DGLUCY: variants seen among roughly 807,000 people sequenced by gnomAD.
DGLUCY encodes the protein D-glutamate cyclase, mitochondrial.
Under a neutral mutation model 58.5 loss-of-function variants are expected in DGLUCY, and 58 were observed. The observed-to-expected ratio is 0.99, with a 90% confidence interval of 0.80 to 1.23. DGLUCY has a LOEUF of 1.23. Ranked by LOEUF, DGLUCY falls within the 50% of genes most tolerant of loss-of-function variation. DGLUCY has a pLI of 0.00. For missense variants in DGLUCY, 779 were observed against 784.7 expected, an observed-to-expected ratio of 0.99 and a Z score of 0.09; for synonymous variants, 325 against 314.1, an observed-to-expected ratio of 1.03 and a Z score of -0.37.
chr14:91,156,487 C>A (rs774833883), intron 1 of DGLUCY, among the ~76,000 whole-genome samples: 6 of 152,200 alleles, frequency 3.9e-5, no homozygotes, highest in Non-Finnish European at 7.3e-5. Flanking sequence ...CTGTAGGATA[C>A]AGTCCTAGGA....
Position 91,167,364 on chromosome 14 carries a change from T to C in DGLUCY, c.243T>C (p.Ala81=). Residue 81 remains alanine, a synonymous_variant, in exon 4 of 14, where the codon GCT becomes GCC. Coordinates refer to ENST00000256324, the MANE Select transcript of DGLUCY (RefSeq NM_001102368.3). Reference sequence around the variant, plus strand: ...AGTGGATGCTGCCCCCTCAAGGTGCTATCTCAGAGACCAGGTAAAAAGCTT... The same window carrying C: ...AGTGGATGCTGCCCCCTCAAGGTGCCATCTCAGAGACCAGGTAAAAAGCTT... ...PEKWMLPPQG[A]ISETRMGHPQ... 1 of 1,614,150 alleles carries C rather than the reference T, an allele frequency of 6.2e-7. No individual in the cohort carries two copies.
chr14:91,157,231 G>GAA (rs1566971877), intron 1 of DGLUCY, among the ~76,000 whole-genome samples: 19 of 94,906 alleles, frequency 2.0e-4, no homozygotes, highest in African/African-American at 1.2e-3. Flanking sequence ...GGATGGATGG[G>GAA]TGGATGGATG....
At chr14:91,085,064 T>C (rs1227487656) in intron 1 of DGLUCY, among the ~76,000 whole-genome samples, 3 of 151,784 alleles carry the variant, frequency 2.0e-5, no homozygotes, top group African/African-American at 7.3e-5. Flanking sequence ...TCTACAAAAA[T>C]GTTTGAAATT....
chr14:91,214,597 G>A (rs1886231019), intron 12 of DGLUCY, among the ~76,000 whole-genome samples: 1 of 152,212 alleles, frequency 6.6e-6, no homozygotes, highest in African/African-American at 2.4e-5. Flanking sequence ...GGGTTTCTAC[G>A]GTTATTGCCT....
upstream of DGLUCY, among the ~76,000 whole-genome samples, chr14:91,106,191 C>T (rs570053157): frequency 2.6e-5 from 4 of 151,702 alleles, no homozygotes; most frequent in South Asian, 6.3e-4. Context: ...GCCTGTAATC[C>T]CAGCTGCTGG....
intron 1 of DGLUCY, among the ~76,000 whole-genome samples, chr14:91,143,040 A>AG (rs1369459222): frequency 6.6e-6 from 1 of 151,080 alleles, no homozygotes; most frequent in Non-Finnish European, 1.5e-5. Context: ...AAAAAAAAAA[A>AG]AAAAAAAAAG....
At position 91,175,964 on chromosome 14, in the gene DGLUCY, C is replaced by T; in HGVS notation, c.638C>T (p.Pro213Leu). 6.2e-7 allele frequency: 1 copy of T among 1,614,038 alleles called. No individual in the cohort carries two copies. Residue 213 changes from proline (P) to leucine (L), a missense_variant, in exon 7 of 14, where the codon CCT becomes CTT. Coordinates refer to ENST00000256324, the MANE Select transcript of DGLUCY (RefSeq NM_001102368.3). ...TTGGGAATCAAAGAGCTTTCCAAAC[C>T]TGCCTACGGGGATGCCATGGTGTGT... is the stretch of plus-strand genomic sequence containing the variant. ...ELLGIKELSKPAYGDAMVCPP... is the reference protein window; with the variant it reads ...ELLGIKELSKLAYGDAMVCPP...
chr14:91,146,207 C>T (rs138216151), intron 1 of DGLUCY, among the ~76,000 whole-genome samples: 209 of 152,274 alleles, frequency 1.4e-3, no homozygotes, highest in African/African-American at 4.5e-3. Flanking sequence ...ATTTAACCTT[C>T]GAGAGGTTGC....
In DGLUCY at chr14:91,184,230, G is replaced by T. The variant is rs551664985; in HGVS notation, c.934+2841G>T. Reference sequence around the variant, plus strand: ...GTAGAACCCCAAAACAGACAGGCTGGGACCTTCCCCTGCTGGCCAGCACTG... The same window carrying T: ...GTAGAACCCCAAAACAGACAGGCTGTGACCTTCCCCTGCTGGCCAGCACTG... On this transcript the variant is annotated intron_variant, in intron 8 of 13. Transcript: ENST00000256324. Among the ~76,000 whole-genome samples the T allele has an allele frequency of 1.9e-3, 287 of 152,112 alleles. 3 individuals carry two copies. Among genetic ancestry groups the T allele is most frequent in the Middle Eastern group, 3.4e-3 (1 of 292 alleles).
chr14:91,158,338 C>T (rs1048164097), intron 2 of DGLUCY, among the ~76,000 whole-genome samples: 3 of 152,202 alleles, frequency 2.0e-5, no homozygotes, highest in Non-Finnish European at 4.4e-5. Context: ...CACTAGCCTG[C>T]GGGGACTAAG....
intron 4 of DGLUCY, chr14:91,167,736 G>T: frequency 1.5e-6 from 1 of 687,734 alleles, no homozygotes; most frequent in Non-Finnish European, 2.6e-6. Flanking sequence ...CAGAGACAGA[G>T]ATATTGTGTC....
intron 12 of DGLUCY, among the ~76,000 whole-genome samples, chr14:91,209,399 C>T (rs1238891304): frequency 1.3e-5 from 2 of 151,976 alleles, no homozygotes; most frequent in Non-Finnish European, 2.9e-5. Flanking sequence ...ATGTCAATGC[C>T]ACAGTGAACT....
intron 1 of DGLUCY, among the ~76,000 whole-genome samples, chr14:91,126,903 G>A (rs2045719432): frequency 6.6e-6 from 1 of 152,058 alleles, no homozygotes; most frequent in South Asian, 2.1e-4. Flanking sequence ...AATAGCCACT[G>A]CACTCCACCC....
At chr14:91,183,382 T>A (rs115018618) in intron 8 of DGLUCY, among the ~76,000 whole-genome samples, 290 of 152,332 alleles carry the variant, frequency 1.9e-3, no homozygotes, top group African/African-American at 6.8e-3. Flanking sequence ...AGGGCTGAAT[T>A]TCTAATCCCA....
intron 7 of DGLUCY, among the ~76,000 whole-genome samples, chr14:91,178,807 G>A (rs2049002263): frequency 6.6e-6 from 1 of 152,046 alleles, no homozygotes; most frequent in Non-Finnish European, 1.5e-5. Flanking sequence ...GAGGTGGTCG[G>A]ATCACTTGAG....
chr14:91,179,872 G>A (rs961830654), intron 7 of DGLUCY, among the ~76,000 whole-genome samples: 6 of 145,220 alleles, frequency 4.1e-5, no homozygotes, highest in Non-Finnish European at 9.0e-5. Context: ...TTTAAACCAC[G>A]AGTATGCTAA....
intron 1 of DGLUCY, among the ~76,000 whole-genome samples, chr14:91,132,950 T>G (rs1038968270): frequency 6.6e-6 from 1 of 152,182 alleles, no homozygotes; most frequent in African/African-American, 2.4e-5. Context: ...TTACTTATAA[T>G]GTCTTTCATG....
chr14:91,166,995 T>C (rs10136832), intron 3 of DGLUCY, among the ~76,000 whole-genome samples: 18,283 of 151,818 alleles, frequency 0.12, 2,504 homozygotes, highest in African/African-American at 0.33. Flanking sequence ...AACAATTAGC[T>C]AGGCGTGGTG....
At chr14:91,072,199 C>T (rs2043933178) in intron 1 of DGLUCY, among the ~76,000 whole-genome samples, 1 of 151,928 alleles carries the variant, frequency 6.6e-6, no homozygotes, top group Non-Finnish European at 1.5e-5. Context: ...TGGCATGCAC[C>T]TGTAATCCCA....
Sources: gnomAD v4.1 joint callset for allele counts (sites outside exome capture counted in the v4.1 genomes callset) on GRCh38, gnomAD v4.1.1 for gene constraint, MANE v1.5 for transcripts, NCBI Gene and HGNC (gene_info 2026-07-23, HGNC 2026-07-21) for gene names.